Variants in CYP2C8 observed in about 807,000 individuals in gnomAD.
CYP2C8 encodes the protein cytochrome P450 2C8.
CYP2C8 carries 51 observed loss-of-function variants against 41.3 expected under a neutral mutation model. That is an observed-to-expected ratio of 1.24 (90% CI 0.99 to 1.56). The LOEUF is 1.56. CYP2C8 is among the 40% of genes most tolerant of loss of function. The probability of loss-of-function intolerance (pLI) is 0.00; values close to 1 mark genes in which losing one functional copy is unlikely to be tolerated. For synonymous variants in CYP2C8, 218 were observed against 205.8 expected (o/e 1.06, Z -0.51); for missense variants, 651 against 579.9 (o/e 1.12, Z -1.26).
intron 7 of CYP2C8, among the ~76,000 whole-genome samples, chr10:95,040,542 C>G (rs2032973399): frequency 1.3e-5 from 2 of 152,042 alleles, no homozygotes; most frequent in Admixed American, 6.5e-5. Context: ...AATACAGAAA[C>G]CATGTGATAG....
chr10:95,038,917 T>C lies in CYP2C8; in HGVS notation c.1271A>G (p.Tyr424Cys). Residue 424 changes from tyrosine (Y) to cysteine (C), a missense_variant, in exon 8 of 9, where the codon TAC becomes TGC. By Grantham distance (194) the Tyr-to-Cys change is radical (BLOSUM62 -2). Transcript: ENST00000371270. ...DKNGNFKKSDYFMPFSAGKRI... is the reference protein window; with the variant it reads ...DKNGNFKKSDCFMPFSAGKRI... Reference sequence around the variant, plus strand: ...ATTACCTGCTGAGAAAGGCATGAAGTAGTCACTTTTCTTAAAGTTGCCATT... The same window carrying C: ...ATTACCTGCTGAGAAAGGCATGAAGCAGTCACTTTTCTTAAAGTTGCCATT... The C allele has an allele frequency of 3.1e-6, 5 of 1,613,980 alleles. No individual in the cohort carries two copies. Among genetic ancestry groups the C allele is most frequent in the Non-Finnish European group, 4.2e-6 (5 of 1,179,826 alleles).
chr10:95,043,748 C>T (rs1243744551), intron 6 of CYP2C8, among the ~76,000 whole-genome samples: 1 of 151,576 alleles, frequency 6.6e-6, no homozygotes, highest in African/African-American at 2.4e-5. Context: ...ACAGACACAC[C>T]CACACACGTA....
chr10:95,046,100 G>T, intron 5 of CYP2C8, 149 bp from the exon 6 acceptor site: 2 of 804,306 alleles, frequency 2.5e-6, no homozygotes, highest in South Asian at 1.8e-5. Context: ...TGGTATGGCA[G>T]AAACTGCAGA....
At position 95,064,922 on chromosome 10, in the gene CYP2C8, G is replaced by A. The variant is rs772144986; in HGVS notation, c.520C>T (p.Pro174Ser). Reference protein sequence around the residue: ...CDPTFILGCAPCNVICSVVFQ... With the variant: ...CDPTFILGCASCNVICSVVFQ... ...ACAACGGAGCAGATCACATTGCAGG[G>A]AGCACAGCCCAGGATGAAAGTGGGA... Residue 174 changes from proline (P) to serine (S), a missense_variant, in exon 4 of 9, where the codon CCC becomes TCC. Transcript: ENST00000371270. The A allele has an allele frequency of 4.3e-5, 69 of 1,611,244 alleles. No individual in the cohort carries two copies. The highest frequency in any genetic ancestry group is 5.8e-5 in the Non-Finnish European group (68 of 1,179,152).
At chr10:95,064,723 T>G in intron 4 of CYP2C8, 77 bp downstream of exon 4, 1 of 1,395,836 alleles carries the variant, frequency 7.2e-7, no homozygotes, top group Admixed American at 1.8e-5. Flanking sequence ...TTAGTATCAA[T>G]TTTCTCATTT....
intron 8 of CYP2C8, among the ~76,000 whole-genome samples, chr10:95,038,371 C>T (rs1589435288): frequency 6.6e-6 from 1 of 152,158 alleles, no homozygotes; most frequent in Non-Finnish European, 1.5e-5. Context: ...CCCCTCTAGC[C>T]GCTACCCAAG....
chr10:95,036,977 A>G lies in CYP2C8; in HGVS notation c.*151T>C. 1.3e-6 allele frequency: 1 copy of G among 747,834 alleles called. No individual in the cohort carries two copies. The highest frequency in any genetic ancestry group is 2.4e-6 in the Non-Finnish European group (1 of 418,292). 46.3% of individuals were successfully genotyped at this position (747,834 alleles called of 1,614,324 possible). A position where few individuals can be genotyped will look rare whatever the true frequency, so the allele number is the denominator to read the frequency against. On this transcript the variant is annotated 3_prime_UTR_variant, in exon 9 of 9. Transcript: ENST00000371270. Reference sequence around the variant, plus strand: ...ATATATTTGTGCAGTGACCTGAACAACTCTCCTTAATGGAGTTTGGATGCT... The same window carrying G: ...ATATATTTGTGCAGTGACCTGAACAGCTCTCCTTAATGGAGTTTGGATGCT...
At chr10:95,069,139 T>C in intron 1 of CYP2C8, 96 bp downstream of exon 1, 3 of 1,354,050 alleles carry the variant, frequency 2.2e-6, no homozygotes, top group Non-Finnish European at 3.2e-6. Flanking sequence ...AATGATCTAT[T>C]ATAATAGTGT....
At chr10:95,038,250 C>T (rs917164034) in intron 8 of CYP2C8, among the ~76,000 whole-genome samples, 1 of 152,114 alleles carries the variant, frequency 6.6e-6, no homozygotes, top group Non-Finnish European at 1.5e-5. Context: ...AACCTCTTAG[C>T]TTCCCTTAAA....
At chr10:95,039,075 A>C in intron 7 of CYP2C8, 37 bp from the exon 8 acceptor site, 1 of 1,597,884 alleles carries the variant, frequency 6.3e-7, no homozygotes, top group Non-Finnish European at 8.6e-7. Flanking sequence ...ATTTATAAAG[A>C]AGTCCAGAAG....
At chr10:95,039,662 G>A (rs1358999673) in intron 7 of CYP2C8, among the ~76,000 whole-genome samples, 1 of 152,130 alleles carries the variant, frequency 6.6e-6, no homozygotes, top group Non-Finnish European at 1.5e-5. Flanking sequence ...TAGAACCGTT[G>A]GGTGTGTGAT....
chr10:95,067,107 A>AT, intron 3 of CYP2C8, 101 bp downstream of exon 3: 1 of 1,515,478 alleles, frequency 6.6e-7, no homozygotes, highest in South Asian at 1.1e-5. Context: ...GACAACCAGG[A>AT]TGCGCAATGA....
chr10:95,038,761 G>T, intron 8 of CYP2C8, 136 bp downstream of exon 8: 1 of 780,066 alleles, frequency 1.3e-6, no homozygotes, highest in Non-Finnish European at 2.2e-6. Flanking sequence ...GGAGCACATG[G>T]GTGTTAAGAG....
intron 4 of CYP2C8, among the ~76,000 whole-genome samples, chr10:95,062,931 G>C (rs374628810): frequency 6.6e-5 from 10 of 152,266 alleles, no homozygotes; most frequent in South Asian, 2.1e-4. Context: ...ATTCTGGGTT[G>C]AAAATTCTTT....
At chr10:95,068,682 G>A (rs2033619556) in intron 1 of CYP2C8, 36 of 1,049,962 alleles carry the variant, frequency 3.4e-5, no homozygotes, top group Non-Finnish European at 4.4e-5. Flanking sequence ...TGTATTAAAT[G>A]ATTATATAAT....
rs2033038118 is a variant in CYP2C8 at position 95,043,079 on chromosome 10, T to C, written c.962-2A>G. 1 of 1,613,970 alleles carries C rather than the reference T, an allele frequency of 6.2e-7. No homozygotes were observed. Among genetic ancestry groups the C allele is most frequent in the Non-Finnish European group, 8.5e-7 (1 of 1,180,000 alleles). ...GATCAATCTCTTCCTGGACTTTAGCTGACAAGACACAAGAAAGAACTGATG... is the reference window on the plus strand; with the variant it reads ...GATCAATCTCTTCCTGGACTTTAGCCGACAAGACACAAGAAAGAACTGATG... On this transcript the variant is annotated splice_acceptor_variant, in intron 6 of 8. Transcript: ENST00000371270. LOFTEE classifies it high-confidence loss of function.
chr10:95,051,706 C>T (rs1024038784), intron 5 of CYP2C8, among the ~76,000 whole-genome samples: 2 of 152,018 alleles, frequency 1.3e-5, no homozygotes, highest in African/African-American at 4.8e-5. Context: ...AAACAATATG[C>T]TTCTGAGTGA....
chr10:95,062,120 A>G (rs2033449566), intron 4 of CYP2C8, among the ~76,000 whole-genome samples: 1 of 152,150 alleles, frequency 6.6e-6, no homozygotes, highest in African/African-American at 2.4e-5. Context: ...TATTCTGTTG[A>G]TTAGGGGTGG....
rs144362603 is a variant in CYP2C8, at chr10:95,042,161, A to G, written c.1149+729T>C. ...TGCCCTCTATCACCAATTCTGTTCA[A>G]TGCTAACCTGAAAATCCTAGCCAGC... On this transcript the variant is annotated intron_variant, in intron 7 of 8. Transcript: ENST00000371270. 3.6e-3 allele frequency among the ~76,000 whole-genome samples: 555 copies of G among 152,328 alleles called. 2 individuals are homozygous for G. The highest frequency in any genetic ancestry group is 0.013 in the African/African-American group (534 of 41,580).
Sources: gnomAD v4.1 joint callset for allele counts (sites outside exome capture counted in the v4.1 genomes callset) on GRCh38, gnomAD v4.1.1 for gene constraint, MANE v1.5 for transcripts, NCBI Gene and HGNC (gene_info 2026-07-23, HGNC 2026-07-21) for gene names.